The following GLI3 variants were observed in gnomAD, a reference collection of about 807,000 sequenced individuals.
GLI3 encodes GLI family zinc finger 3.
In GLI3, 20 loss-of-function variants were observed where a neutral mutation model predicts 100.8. The observed-to-expected ratio is 0.20, with a 90% confidence interval of 0.14 to 0.29. The LOEUF (loss-of-function observed/expected upper bound fraction) is 0.29, where lower values mean the gene tolerates loss of function less well. Ranked by LOEUF, GLI3 falls within the 10% of genes least tolerant of loss-of-function variation. GLI3 has a pLI of 1.00. For synonymous variants in GLI3, 938 were observed against 860.5 expected (o/e 1.09, Z -1.58); for missense variants, 2,040 against 2,128.5 (o/e 0.96, Z 0.82).
At chr7:42,073,730 A>G (rs1784827418) in intron 4 of GLI3, among the ~76,000 whole-genome samples, 1 of 152,194 alleles carries the variant, frequency 6.6e-6, no homozygotes, top group Non-Finnish European at 1.5e-5. Context: ...CTCGTAATTT[A>G]GTTTTTAAAG....
At chr7:42,261,254 G>T (rs956958851) in intron 1 of GLI3, among the ~76,000 whole-genome samples, 1 of 122,284 alleles carries the variant, frequency 8.2e-6, no homozygotes, top group African/African-American at 2.8e-5. Context: ...TATGGGGTGC[G>T]GGGAGGTGCC....
chr7:42,074,182 C>A (rs564584552), intron 4 of GLI3, among the ~76,000 whole-genome samples: 1 of 152,194 alleles, frequency 6.6e-6, no homozygotes, highest in South Asian at 2.1e-4. Context: ...CTTACATGAA[C>A]ATTATTTCAT....
At chr7:42,178,808 G>A (rs1370522877) in intron 2 of GLI3, among the ~76,000 whole-genome samples, 3 of 152,260 alleles carry the variant, frequency 2.0e-5, no homozygotes, top group South Asian at 2.1e-4. Flanking sequence ...CCAGGCAACC[G>A]GGGGTAGGCA....
intron 3 of GLI3, among the ~76,000 whole-genome samples, chr7:42,100,700 C>T (rs1785442619): frequency 1.3e-5 from 2 of 152,078 alleles, no homozygotes; most frequent in African/African-American, 4.8e-5. Context: ...TGAGATTGCA[C>T]CACTGCACTC....
chr7:42,061,120 G>C (rs1784559623), intron 4 of GLI3, among the ~76,000 whole-genome samples: 1 of 152,162 alleles, frequency 6.6e-6, no homozygotes, highest in African/African-American at 2.4e-5. Context: ...GTACTAGGTG[G>C]ATATAATTAA....
chr7:41,978,892 A>C, intron 10 of GLI3, 144 bp from the exon 11 acceptor site: 1 of 780,624 alleles, frequency 1.3e-6, no homozygotes, highest in Non-Finnish European at 2.1e-6. Flanking sequence ...GATTATAAAA[A>C]TTCCAGTTAG....
chr7:42,046,812 A>C (rs540874904), intron 5 of GLI3, among the ~76,000 whole-genome samples: 1 of 152,334 alleles, frequency 6.6e-6, no homozygotes, highest in African/African-American at 2.4e-5. Flanking sequence ...TCAAGTGCAA[A>C]ATAAAATCTG....
At chr7:42,004,980 A>C (rs1220127243) in intron 10 of GLI3, among the ~76,000 whole-genome samples, 3 of 152,212 alleles carry the variant, frequency 2.0e-5, no homozygotes, top group African/African-American at 7.2e-5. Flanking sequence ...AAAGAGGTTT[A>C]TTATTTCTGA....
At chr7:42,138,153 A>G (rs1786474640) in intron 3 of GLI3, among the ~76,000 whole-genome samples, 1 of 152,166 alleles carries the variant, frequency 6.6e-6, no homozygotes, top group Admixed American at 6.5e-5. Context: ...GCAGGCTCTC[A>G]AAACACTGCA....
intron 1 of GLI3, among the ~76,000 whole-genome samples, 163 bp downstream of exon 1, chr7:42,236,808 G>C (rs1351347219): frequency 6.6e-6 from 1 of 152,180 alleles, no homozygotes; most frequent in African/African-American, 2.4e-5. Flanking sequence ...AGCCTTGCTC[G>C]GACGCCTCAC....
chr7:42,228,814 G>A (rs1031202047), intron 1 of GLI3, among the ~76,000 whole-genome samples: 1 of 152,208 alleles, frequency 6.6e-6, no homozygotes, highest in Non-Finnish European at 1.5e-5. Context: ...TTCAAGTGCT[G>A]TGAATGGCTA....
At chr7:42,039,958 T>C (rs1218504531) in intron 7 of GLI3, 80 bp downstream of exon 7, 22 of 1,062,986 alleles carry the variant, frequency 2.1e-5, no homozygotes, top group Middle Eastern at 2.0e-4. Context: ...CAGTTGGTAC[T>C]GAAAATGCAT....
intron 3 of GLI3, among the ~76,000 whole-genome samples, chr7:42,093,790 A>T (rs1231118687): frequency 6.6e-6 from 1 of 152,034 alleles, no homozygotes; most frequent in Non-Finnish European, 1.5e-5. Context: ...GCTAGAGAAC[A>T]CTCCTGTATG....
chr7:42,057,227 T>C (rs1045155089), intron 4 of GLI3, among the ~76,000 whole-genome samples: 1 of 152,214 alleles, frequency 6.6e-6, no homozygotes, highest in Non-Finnish European at 1.5e-5. Context: ...GGTTTTTCTA[T>C]TATCTTTTAA....
At chr7:42,182,191 G>A (rs749368222) in intron 2 of GLI3, among the ~76,000 whole-genome samples, 32 of 152,134 alleles carry the variant, frequency 2.1e-4, no homozygotes, top group Admixed American at 3.9e-4. Context: ...CAGTAGACCC[G>A]TGGCCGGTGA....
chr7:41,967,846 C>G lies in GLI3; in HGVS notation c.2181G>C (p.Gly727=), dbSNP rs535443608. The change falls in exon 14 of 15, where the codon GGG becomes GGC. Residue 727 remains glycine, a synonymous_variant. Transcript: ENST00000395925. The part of the protein sequence containing the change: ...QSPISNYSNS[G]LELPLTDGGS... ...CTCCATCGGTCAGAGGAAGCTCGAG[C>G]CCACTGTTGGAATAGTTGCTGATGG... 1 of 1,613,978 alleles carries G rather than the reference C, an allele frequency of 6.2e-7. No homozygotes were observed. The highest frequency in any genetic ancestry group is 1.3e-5 in the African/African-American group (1 of 74,896).
intron 12 of GLI3, among the ~76,000 whole-genome samples, chr7:41,976,350 T>C (rs1344880941): frequency 2.6e-5 from 4 of 152,224 alleles, no homozygotes; most frequent in Non-Finnish European, 5.9e-5. Context: ...TTGGTATATA[T>C]ATGAACTTAC....
At chr7:42,107,818 G>C (rs915628590) in intron 3 of GLI3, among the ~76,000 whole-genome samples, 8 of 152,206 alleles carry the variant, frequency 5.3e-5, no homozygotes, top group Admixed American at 5.2e-4. Context: ...CCTGCTATCA[G>C]CAACGCGACC....
chr7:42,228,467 T>A (rs1424453243), intron 1 of GLI3, among the ~76,000 whole-genome samples: 1 of 152,184 alleles, frequency 6.6e-6, no homozygotes, highest in Non-Finnish European at 1.5e-5. Context: ...GCGGTCTGTA[T>A]CAAGGCGTAT....
Sources: allele counts gnomAD v4.1 joint callset (sites outside exome capture counted in the v4.1 genomes callset), GRCh38; gene constraint gnomAD v4.1.1; transcripts MANE v1.5; gene names NCBI Gene and HGNC (gene_info 2026-07-23, HGNC 2026-07-21).